Variants in XKR4 observed in about 807,000 individuals in gnomAD.
The protein encoded by XKR4 is XK-related protein 4.
A neutral mutation model predicts 53.9 loss-of-function variants in XKR4; 12 were observed. The ratio of observed to expected loss-of-function variants is 0.22; its 90% confidence interval spans 0.14 to 0.36. The LOEUF (loss-of-function observed/expected upper bound fraction) is 0.36, where lower values mean the gene tolerates loss of function less well. XKR4 is among the 10% of genes least tolerant of loss of function. The pLI is 1.00. For synonymous variants in XKR4, 354 were observed against 362.4 expected (o/e 0.98, Z 0.26); for missense variants, 799 against 859.5 (o/e 0.93, Z 0.88).
At chr8:55,338,610 A>G (rs1362278760) in intron 1 of XKR4, among the ~76,000 whole-genome samples, 1 of 152,212 alleles carries the variant, frequency 6.6e-6, no homozygotes, top group Non-Finnish European at 1.5e-5. Context: ...GTGGGAGCAA[A>G]CACTGCAACT....
intron 1 of XKR4, chr8:55,164,364 G>A (rs1259638751): frequency 2.2e-6 from 1 of 456,174 alleles, no homozygotes; most frequent in Non-Finnish European, 4.4e-6. Context: ...ACTCCTATAA[G>A]TTCAGAGGTT....
intron 1 of XKR4, among the ~76,000 whole-genome samples, chr8:55,126,574 A>G (rs985589781): frequency 2.6e-5 from 4 of 152,226 alleles, no homozygotes; most frequent in African/African-American, 9.6e-5. Flanking sequence ...GTCATAGGGT[A>G]GAGGTGGAAT....
chr8:55,437,848 G>C (rs1805198297), intron 2 of XKR4, among the ~76,000 whole-genome samples: 1 of 152,048 alleles, frequency 6.6e-6, no homozygotes, highest in African/African-American at 2.4e-5. Flanking sequence ...AAGCAGCAGT[G>C]TAAATAATCA....
intron 2 of XKR4, chr8:55,454,094 G>C (rs1805510816): frequency 9.7e-6 from 8 of 822,930 alleles, no homozygotes; most frequent in Admixed American, 8.8e-5. Flanking sequence ...ATTCAAGGAG[G>C]AGGGGGACGT....
chr8:55,301,464 A>G (rs1336015617), intron 1 of XKR4, among the ~76,000 whole-genome samples: 1 of 152,006 alleles, frequency 6.6e-6, no homozygotes, highest in Non-Finnish European at 1.5e-5. Context: ...ATACATGTGC[A>G]TGTGTCTTTA....
chr8:55,125,267 G>T (rs578120943), intron 1 of XKR4, among the ~76,000 whole-genome samples: 1 of 151,986 alleles, frequency 6.6e-6, no homozygotes, highest in Non-Finnish European at 1.5e-5. Context: ...TTTCGCCCTT[G>T]TCACCCAGGC....
chr8:55,119,835 T>C (rs1816367421), intron 1 of XKR4, among the ~76,000 whole-genome samples: 2 of 152,196 alleles, frequency 1.3e-5, no homozygotes, highest in Admixed American at 1.3e-4. Context: ...GCTGAGTTCT[T>C]ACTAAAGATT....
intron 1 of XKR4, among the ~76,000 whole-genome samples, chr8:55,189,165 T>G (rs1817413842): frequency 6.6e-6 from 1 of 152,148 alleles, no homozygotes; most frequent in African/African-American, 2.4e-5. Flanking sequence ...CCTGTTAAAT[T>G]TATTTTCATT....
intron 1 of XKR4, among the ~76,000 whole-genome samples, chr8:55,231,453 C>T (rs1364525037): frequency 6.6e-6 from 1 of 152,072 alleles, no homozygotes; most frequent in Non-Finnish European, 1.5e-5. Context: ...GTTGTTTTTG[C>T]TTTTATCTTA....
intron 2 of XKR4, among the ~76,000 whole-genome samples, chr8:55,470,482 C>T (rs1473878722): frequency 6.6e-6 from 1 of 152,118 alleles, no homozygotes; most frequent in African/African-American, 2.4e-5. Flanking sequence ...TTGTCTGCCG[C>T]CACGTGAGAC....
intron 2 of XKR4, among the ~76,000 whole-genome samples, chr8:55,428,662 C>G (rs941913186): frequency 6.6e-6 from 1 of 152,228 alleles, no homozygotes; most frequent in Non-Finnish European, 1.5e-5. Flanking sequence ...GGAGCCTGAA[C>G]TTCCACGCCC....
At chr8:55,332,854 A>G (rs373427630) in intron 1 of XKR4, among the ~76,000 whole-genome samples, 30 of 150,664 alleles carry the variant, frequency 2.0e-4, no homozygotes, top group African/African-American at 4.9e-4. Flanking sequence ...TGGAACTTCC[A>G]TAATATGTAT....
At chr8:55,454,669 T>G (rs532124509) in intron 2 of XKR4, 1 of 950,128 alleles carries the variant, frequency 1.1e-6, no homozygotes, top group Non-Finnish European at 1.7e-6. Flanking sequence ...CCCAATTACG[T>G]TCCCTGGGAA....
chr8:55,324,960 C>T (rs1332880609), intron 1 of XKR4, among the ~76,000 whole-genome samples: 1 of 152,068 alleles, frequency 6.6e-6, no homozygotes, highest in Non-Finnish European at 1.5e-5. Context: ...TACAGGGTCA[C>T]TGATTGTTTA....
chr8:55,232,792 AGGAGATCAGGGACCAACCAGGGT>A (rs1167715623), intron 1 of XKR4, among the ~76,000 whole-genome samples: 1 of 152,172 alleles, frequency 6.6e-6, no homozygotes, highest in Non-Finnish European at 1.5e-5. Flanking sequence ...ATTTCCAATG[AGGAGATCAGGGACCAACCAGGGT>A]GTGTTTATGA....
chr8:55,466,769 G>T (rs1292498538), intron 2 of XKR4, among the ~76,000 whole-genome samples: 1 of 152,006 alleles, frequency 6.6e-6, no homozygotes, highest in Non-Finnish European at 1.5e-5. Context: ...ACTATGATTG[G>T]AGTTTTAGGT....
At chr8:55,299,445 C>A (rs1029497034) in intron 1 of XKR4, among the ~76,000 whole-genome samples, 1 of 152,074 alleles carries the variant, frequency 6.6e-6, no homozygotes, top group East Asian at 1.9e-4. Context: ...GGGTTTAGAC[C>A]GTGAACTTGA....
chr8:55,102,929 C>A lies in XKR4; in HGVS notation c.441C>A (p.Leu147=). The change falls in exon 1 of 3, where the codon CTC becomes CTA. Residue 147 remains leucine (L), a synonymous_variant. Coordinates refer to ENST00000327381, the MANE Select transcript of XKR4 (RefSeq NM_052898.2). This position sits in a 1 kb window ranked among gnomAD's most constrained non-coding sequence, Gnocchi z 5.1. The part of the protein sequence containing the change: ...YLRGQRWWFG[L]TLFFVVLGSL... The stretch of plus-strand genomic sequence containing the variant: ...GCGGCCAGCGCTGGTGGTTCGGGCT[C>A]ACGCTCTTCTTCGTGGTGCTCGGCT... 1 of 1,611,782 alleles carries A rather than the reference C, an allele frequency of 6.2e-7. No homozygotes were observed. The highest frequency in any genetic ancestry group is 2.2e-5 in the East Asian group (1 of 44,884).
chr8:55,383,433 G>A (rs1804263952), intron 2 of XKR4, among the ~76,000 whole-genome samples: 1 of 152,180 alleles, frequency 6.6e-6, no homozygotes, highest in African/African-American at 2.4e-5. Flanking sequence ...AGGACAAGGA[G>A]AAGGAGAGGA....
Sources: allele counts gnomAD v4.1 joint callset (sites outside exome capture counted in the v4.1 genomes callset), GRCh38; gene constraint gnomAD v4.1.1; non-coding constraint Gnocchi (gnomAD v3.1); transcripts MANE v1.5; gene names NCBI Gene and HGNC (gene_info 2026-07-23, HGNC 2026-07-21).